Variants in DOCK2 observed in about 807,000 individuals in gnomAD.
DOCK2 encodes the protein dedicator of cytokinesis 2.
A neutral mutation model predicts 248.9 loss-of-function variants in DOCK2; 87 were observed. The observed-to-expected ratio is 0.35, with a 90% CI of 0.29 to 0.42. The LOEUF (loss-of-function observed/expected upper bound fraction) is 0.42, where lower values mean the gene tolerates loss of function less well. DOCK2 is among the 10% of genes least tolerant of loss of function. The pLI is 1.00. For synonymous variants in DOCK2, 805 were observed against 821.6 expected (o/e 0.98, Z 0.35); for missense variants, 1,747 against 2,300.2 (o/e 0.76, Z 4.92).
At chr5:169,719,332 G>A (rs2113562025) in intron 22 of DOCK2, among the ~76,000 whole-genome samples, 1 of 152,278 alleles carries the variant, frequency 6.6e-6, no homozygotes, top group Middle Eastern at 3.4e-3. Context: ...TGGAGAGGAA[G>A]GTATTCAAAT....
intron 5 of DOCK2, among the ~76,000 whole-genome samples, chr5:169,671,439 A>G (rs1004269441): frequency 6.6e-6 from 1 of 152,226 alleles, no homozygotes; most frequent in Non-Finnish European, 1.5e-5. Context: ...TTGAGCATGC[A>G]TAAGAATCAC....
At chr5:170,037,673 A>G (rs572854145) in intron 36 of DOCK2, among the ~76,000 whole-genome samples, 16 of 152,058 alleles carry the variant, frequency 1.1e-4, no homozygotes, top group Non-Finnish European at 1.6e-4. Flanking sequence ...TTTAGTAGAG[A>G]CGGGGTTTCA....
chr5:169,872,501 C>G (rs1350538711), intron 27 of DOCK2, among the ~76,000 whole-genome samples: 1 of 152,120 alleles, frequency 6.6e-6, no homozygotes, highest in African/African-American at 2.4e-5. Context: ...GCAAGTCTAC[C>G]CCTTCTCCTA....
chr5:169,846,882 C>T (rs1309551102), intron 27 of DOCK2, among the ~76,000 whole-genome samples: 4 of 151,914 alleles, frequency 2.6e-5, no homozygotes, highest in Non-Finnish European at 5.9e-5. Context: ...CTCCAAGGTC[C>T]ATTACGTTAC....
chr5:169,677,758 G>C (rs940292671), intron 6 of DOCK2, among the ~76,000 whole-genome samples: 1 of 152,200 alleles, frequency 6.6e-6, no homozygotes, highest in African/African-American at 2.4e-5. Context: ...GCCAGTAACG[G>C]GGACACAGGG....
At chr5:169,881,539 A>G in intron 27 of DOCK2, 2 of 888,190 alleles carry the variant, frequency 2.3e-6, no homozygotes, top group Middle Eastern at 3.0e-4. Context: ...ATAGCACAGC[A>G]TTCACGGTGC....
At chr5:169,713,947 G>A in intron 17 of DOCK2, 81 bp from the exon 18 acceptor site, 4 of 1,453,532 alleles carry the variant, frequency 2.8e-6, no homozygotes, top group Non-Finnish European at 3.7e-6. Flanking sequence ...ACTTCACAGT[G>A]TCTAATTTGT....
At chr5:169,765,111 A>C (rs992485008) in intron 25 of DOCK2, among the ~76,000 whole-genome samples, 2 of 139,566 alleles carry the variant, frequency 1.4e-5, no homozygotes, top group African/African-American at 5.8e-5. Context: ...CACCCCACAC[A>C]CAGTTTTTTC....
chr5:169,966,836 A>G (rs996021907), intron 27 of DOCK2, among the ~76,000 whole-genome samples: 7 of 152,208 alleles, frequency 4.6e-5, no homozygotes, highest in African/African-American at 1.7e-4. Context: ...TGAGGAGGTT[A>G]CTTTCCACAC....
At chr5:169,902,802 T>C (rs535600660) in intron 27 of DOCK2, among the ~76,000 whole-genome samples, 1 of 151,978 alleles carries the variant, frequency 6.6e-6, no homozygotes, top group East Asian at 1.9e-4. Context: ...GAGGGAGACA[T>C]AAAAGAAAGG....
intron 22 of DOCK2, among the ~76,000 whole-genome samples, chr5:169,725,786 T>C (rs1171496255): frequency 6.6e-6 from 1 of 152,126 alleles, no homozygotes; most frequent in Non-Finnish European, 1.5e-5. Flanking sequence ...GATAGTTTGC[T>C]TAGAATGATG....
At chr5:169,870,565 G>T (rs1411598329) in intron 27 of DOCK2, among the ~76,000 whole-genome samples, 2 of 151,152 alleles carry the variant, frequency 1.3e-5, no homozygotes, top group Non-Finnish European at 3.0e-5. Context: ...TTAGATCTGT[G>T]GGTTTTTTTC....
intron 36 of DOCK2, among the ~76,000 whole-genome samples, chr5:170,037,480 A>T (rs148550186): frequency 0.045 from 6,095 of 134,476 alleles, 211 homozygotes; most frequent in South Asian, 0.19. Context: ...ACAAAAACAA[A>T]TTTTTTTTTT....
At chr5:169,942,165 C>G (rs1776268711) in intron 27 of DOCK2, among the ~76,000 whole-genome samples, 1 of 152,184 alleles carries the variant, frequency 6.6e-6, no homozygotes, top group South Asian at 2.1e-4. Context: ...CTGAGAAAGT[C>G]TGTAGCATAT....
intron 27 of DOCK2, among the ~76,000 whole-genome samples, chr5:169,939,199 C>T (rs995557768): frequency 1.1e-4 from 16 of 144,222 alleles, no homozygotes; most frequent in South Asian, 2.2e-4. Flanking sequence ...CCACTGTGCC[C>T]GGCCTTTTTT....
chr5:169,985,804 G>C, intron 28 of DOCK2, 24 bp from the exon 29 acceptor site: 3 of 1,583,114 alleles, frequency 1.9e-6, no homozygotes, highest in Non-Finnish European at 2.6e-6. Context: ...AGGATGACAT[G>C]TGTGCTGTGC....
At chr5:169,718,346 A>C (rs1581089365) in intron 21 of DOCK2, among the ~76,000 whole-genome samples, 1 of 152,338 alleles carries the variant, frequency 6.6e-6, no homozygotes, top group Admixed American at 6.5e-5. Flanking sequence ...AGTTGAAAAA[A>C]AAGACATTAT....
At chr5:169,929,999 T>A (rs1373651876) in intron 27 of DOCK2, among the ~76,000 whole-genome samples, 1 of 152,164 alleles carries the variant, frequency 6.6e-6, no homozygotes, top group Non-Finnish European at 1.5e-5. Context: ...TTATTTATTT[T>A]GTTTATTTTT....
chr5:170,056,622 C>A, intron 42 of DOCK2, 62 bp from the exon 43 acceptor site: 1 of 1,399,496 alleles, frequency 7.1e-7, no homozygotes, highest in Admixed American at 1.7e-5. Context: ...AGTGCAGGGT[C>A]AGATCGGGTG....
Sources: allele counts gnomAD v4.1 joint callset (sites outside exome capture counted in the v4.1 genomes callset), GRCh38; gene constraint gnomAD v4.1.1; transcripts MANE v1.5; gene names NCBI Gene and HGNC (gene_info 2026-07-23, HGNC 2026-07-21).